TAFA5: variants seen among roughly 807,000 people sequenced by gnomAD.
TAFA5 encodes the protein chemokine-like protein TAFA-5.
TAFA5 carries 6 observed loss-of-function variants against 15.3 expected under a neutral mutation model. That is an observed-to-expected ratio of 0.39 (90% CI 0.21 to 0.77). The LOEUF (loss-of-function observed/expected upper bound fraction) is 0.77, where lower values mean the gene tolerates loss of function less well. Ranked by LOEUF, TAFA5 falls within the 30% of genes least tolerant of loss-of-function variation. TAFA5 has a pLI of 0.41. For missense variants in TAFA5, 161 were observed against 193.1 expected (o/e 0.83, Z 0.98); for synonymous variants, 103 against 80.7 (o/e 1.28, Z -1.48).
intron 3 of TAFA5, among the ~76,000 whole-genome samples, chr22:48,722,718 AAAAG>A (rs1255224256): frequency 6.6e-6 from 1 of 152,242 alleles, no homozygotes; most frequent in Non-Finnish European, 1.5e-5. Context: ...CAAAAATTGA[AAAAG>A]AAAGTAAGAT....
intron 3 of TAFA5, among the ~76,000 whole-genome samples, chr22:48,712,173 C>T (rs1929273988): frequency 6.6e-6 from 1 of 152,228 alleles, no homozygotes; most frequent in Non-Finnish European, 1.5e-5. Context: ...TCTCCTGCCT[C>T]AGCTTCCCGA....
intron 1 of TAFA5, among the ~76,000 whole-genome samples, chr22:48,575,922 C>T (rs1482546482): frequency 7.1e-6 from 1 of 141,350 alleles, no homozygotes; most frequent in Non-Finnish European, 1.6e-5. Context: ...CGGGCCGGAG[C>T]GAGCGCGGGC....
At chr22:48,561,713 C>T (rs1475009993) in intron 1 of TAFA5, among the ~76,000 whole-genome samples, 1 of 152,208 alleles carries the variant, frequency 6.6e-6, no homozygotes, top group Non-Finnish European at 1.5e-5. Context: ...GCCACTGGCA[C>T]AAACAATGCT....
At chr22:48,631,439 C>T (rs956904045) in intron 1 of TAFA5, among the ~76,000 whole-genome samples, 102 of 152,322 alleles carry the variant, frequency 6.7e-4, no homozygotes, top group African/African-American at 2.2e-3. Flanking sequence ...GCCCCGGCAC[C>T]GGTGCGGCCC....
chr22:48,709,433 G>A (rs140290426), intron 3 of TAFA5, among the ~76,000 whole-genome samples: 250 of 152,252 alleles, frequency 1.6e-3, no homozygotes, highest in East Asian at 6.8e-3. Context: ...CTGCGTTACC[G>A]CCCTGAGTCT....
intron 1 of TAFA5, among the ~76,000 whole-genome samples, chr22:48,644,037 G>A (rs1339625509): frequency 6.6e-6 from 1 of 152,230 alleles, no homozygotes; most frequent in Non-Finnish European, 1.5e-5. Context: ...TGGCTTTGAC[G>A]CAGTAACCGC....
chr22:48,585,422 C>T (rs1054367802), intron 1 of TAFA5, among the ~76,000 whole-genome samples: 11 of 149,692 alleles, frequency 7.3e-5, no homozygotes, highest in Non-Finnish European at 1.6e-4. Flanking sequence ...TACACACACA[C>T]AACACATCAC....
Position 48,593,482 on chromosome 22 carries a change from G to T in TAFA5, c.113-53115G>T, listed in dbSNP as rs190074647. Among the ~76,000 whole-genome samples, 218 of 152,144 alleles carry T rather than the reference G, an allele frequency of 1.4e-3. 3 individuals carry two copies. The highest frequency in any genetic ancestry group is 0.013 in the Admixed American group (204 of 15,292). On this transcript the variant is annotated intron_variant, in intron 1 of 3. Transcript: ENST00000402357. ...TGAGCTGGCTGTCTGGGCTCGGGGGGTGTCTCAGGGCACAGGACTGATGGG... is the reference window on the plus strand; with the variant it reads ...TGAGCTGGCTGTCTGGGCTCGGGGGTTGTCTCAGGGCACAGGACTGATGGG...
intron 1 of TAFA5, among the ~76,000 whole-genome samples, chr22:48,616,778 G>C (rs1020006820): frequency 1.3e-5 from 2 of 152,228 alleles, no homozygotes; most frequent in African/African-American, 4.8e-5. Context: ...ACAGGGAGTT[G>C]CCCAGCTCCG....
chr22:48,551,756 T>C (rs1346975263), intron 1 of TAFA5, among the ~76,000 whole-genome samples: 1 of 152,082 alleles, frequency 6.6e-6, no homozygotes, highest in African/African-American at 2.4e-5. Flanking sequence ...CTGTGACAAG[T>C]GCTGCCTTCT....
intron 1 of TAFA5, chr22:48,576,532 T>C: frequency 6.6e-7 from 1 of 1,514,784 alleles, no homozygotes; most frequent in Non-Finnish European, 8.9e-7. Flanking sequence ...GCTCTGCTGC[T>C]TCCTCGTCCT....
chr22:48,734,687 T>C (rs1929959032), intron 3 of TAFA5, among the ~76,000 whole-genome samples: 1 of 152,264 alleles, frequency 6.6e-6, no homozygotes, highest in Admixed American at 6.5e-5. Flanking sequence ...CTCTTCTGAC[T>C]GCTGTTTTCT....
intron 1 of TAFA5, among the ~76,000 whole-genome samples, chr22:48,572,062 T>C (rs1712349877): frequency 6.6e-6 from 1 of 152,218 alleles, no homozygotes; most frequent in African/African-American, 2.4e-5. Flanking sequence ...TCAAATTTTT[T>C]GAGAATGATA....
chr22:48,503,057 G>T (rs1394920379), intron 1 of TAFA5, among the ~76,000 whole-genome samples: 1 of 152,190 alleles, frequency 6.6e-6, no homozygotes, highest in Non-Finnish European at 1.5e-5. Context: ...GCTCTTCCAT[G>T]CAGTCATCTG....
chr22:48,655,841 T>TG (rs1927221713), intron 2 of TAFA5, among the ~76,000 whole-genome samples: 1 of 134,892 alleles, frequency 7.4e-6, no homozygotes, highest in Non-Finnish European at 1.6e-5. Flanking sequence ...TTTTTTTTTT[T>TG]TTTTTTTTTT....
chr22:48,721,600 C>T (rs562816720), intron 3 of TAFA5, among the ~76,000 whole-genome samples: 5 of 152,196 alleles, frequency 3.3e-5, no homozygotes, highest in East Asian at 3.9e-4. Context: ...TATAATCTTA[C>T]AGATGACATC....
At chr22:48,729,212 G>C (rs1929789655) in intron 3 of TAFA5, among the ~76,000 whole-genome samples, 1 of 127,722 alleles carries the variant, frequency 7.8e-6, no homozygotes, top group Non-Finnish European at 1.6e-5. Flanking sequence ...AAATCATCCA[G>C]TTTATCTTAG....
intron 2 of TAFA5, among the ~76,000 whole-genome samples, chr22:48,662,353 C>T (rs1927470843): frequency 6.6e-6 from 1 of 152,164 alleles, no homozygotes; most frequent in African/African-American, 2.4e-5. Context: ...TGACGGATCA[C>T]TCTGATGGCC....
chr22:48,732,321 G>T (rs1929890560), intron 3 of TAFA5, among the ~76,000 whole-genome samples: 1 of 152,118 alleles, frequency 6.6e-6, no homozygotes, highest in African/African-American at 2.4e-5. Context: ...CGCAATTTCG[G>T]CTCACTGGAA....
Sources: gnomAD v4.1 joint callset for allele counts (sites outside exome capture counted in the v4.1 genomes callset) on GRCh38, gnomAD v4.1.1 for gene constraint, MANE v1.5 for transcripts, NCBI Gene and HGNC (gene_info 2026-07-23, HGNC 2026-07-21) for gene names.